The following LAMB2 variants were observed in gnomAD, a reference collection of about 807,000 sequenced individuals.
The protein encoded by LAMB2 is laminin subunit beta-2.
A neutral mutation model predicts 202.7 loss-of-function variants in LAMB2; 119 were observed. That is an observed-to-expected ratio of 0.59 (90% CI 0.51 to 0.68). LAMB2 has a LOEUF of 0.68. LAMB2 is among the 30% of genes least tolerant of loss of function. LAMB2 has a pLI of 0.00. For synonymous variants in LAMB2, 818 were observed against 902.2 expected (o/e 0.91, Z 1.67); for missense variants, 2,124 against 2,410.6 (o/e 0.88, Z 2.49).
At position 49,124,905 on chromosome 3, in the gene LAMB2, C is replaced by G; in HGVS notation, c.2905G>C (p.Ala969Pro). 6.2e-7 allele frequency: 1 copy of G among 1,614,086 alleles called. No individual in the cohort carries two copies. The highest frequency in any genetic ancestry group is 8.5e-7 in the Non-Finnish European group (1 of 1,180,038). The change falls in exon 21 of 32, where the codon GCC becomes CCC. Residue 969 changes from alanine (A) to proline (P), a missense_variant. Ala to Pro is a conservative substitution (Grantham distance 27). Coordinates refer to ENST00000305544, the MANE Select transcript of LAMB2 (RefSeq NM_002292.4). ...GYTGLRCEAC[A>P]PGHFGDPSRP... Reference sequence around the variant, plus strand: ...GATGGGTCCCCAAAGTGCCCAGGGGCACAAGCTTCACATCGCAGCCCTGCC... The same window carrying G: ...GATGGGTCCCCAAAGTGCCCAGGGGGACAAGCTTCACATCGCAGCCCTGCC...
intron 21 of LAMB2, 31 bp downstream of exon 21, chr3:49,124,670 T>C: frequency 1.2e-6 from 2 of 1,613,794 alleles, no homozygotes; most frequent in Non-Finnish European, 8.5e-7. Context: ...AGAACCCCAA[T>C]TCAGCCATGC....
In LAMB2 at chr3:49,121,870, G is replaced by C. The variant is rs754993760; in HGVS notation, c.4924-10C>G. The stretch of plus-strand genomic sequence containing the variant: ...CCATCCTCTCCTGTACCTGCCATGG[G>C]TGAGCCAAAGGTTACACAGATCTAC... On this transcript the variant is annotated splice_polypyrimidine_tract_variant and intron_variant, in intron 29 of 31. Coordinates refer to ENST00000305544, the MANE Select transcript of LAMB2 (RefSeq NM_002292.4). 1 of 1,613,278 alleles carries C rather than the reference G, an allele frequency of 6.2e-7. No homozygotes were observed. The highest frequency in any genetic ancestry group is 8.5e-7 in the Non-Finnish European group (1 of 1,180,028).
Position 49,131,181 on chromosome 3 carries a change from C to G in LAMB2, c.713-29G>C. ...AGGCGGGGGAAGGGGGGCCAACTGA[C>G]CAGGCAGGCCCTTGCTGCCCCATGT... On this transcript the variant is annotated intron_variant, in intron 6 of 31. Coordinates refer to ENST00000305544, the MANE Select transcript of LAMB2 (RefSeq NM_002292.4). The surrounding 1 kb of genome is among the most constrained non-coding windows in gnomAD (Gnocchi z 5.0). 6.2e-7 allele frequency: 1 copy of G among 1,604,436 alleles called. No individual in the cohort carries two copies.
chr3:49,125,893 G>C lies in LAMB2; in HGVS notation c.2345-3C>G, dbSNP rs1421561153. ...ACCTTGAGGGTTGCACTGACATGCTGTGGGGAGGAGGGTTGGGCCAAGTCA... is the reference window on the plus strand; with the variant it reads ...ACCTTGAGGGTTGCACTGACATGCTCTGGGGAGGAGGGTTGGGCCAAGTCA... On this transcript the variant is annotated splice_polypyrimidine_tract_variant and splice_region_variant and intron_variant, in intron 17 of 31. Transcript: ENST00000305544. 1 of 1,614,178 alleles carries C rather than the reference G, an allele frequency of 6.2e-7. No homozygotes were observed. Among genetic ancestry groups the C allele is most frequent in the Admixed American group, 1.7e-5 (1 of 60,032 alleles).
chr3:49,129,265 C>A lies in LAMB2; in HGVS notation c.1578G>T (p.Val526=). The change falls in exon 12 of 32, where the codon GTG becomes GTT. Residue 526 remains valine (V), a synonymous_variant. Transcript: ENST00000305544. The surrounding 1 kb of genome is among the most constrained non-coding windows in gnomAD (Gnocchi z 6.1). ...LLGCRPCDCD[V]GGALDPQCDE... Reference sequence around the variant, plus strand: ...CTTACTGGGGATCCAAAGCACCACCCACGTCGCAGTCACAGGGGCGGCAGC... The same window carrying A: ...CTTACTGGGGATCCAAAGCACCACCAACGTCGCAGTCACAGGGGCGGCAGC... 6.2e-7 allele frequency: 1 copy of A among 1,613,950 alleles called. No homozygotes were observed. Among genetic ancestry groups the A allele is most frequent in the Non-Finnish European group, 8.5e-7 (1 of 1,179,924 alleles).
In LAMB2 at chr3:49,125,369, C is replaced by A. The variant is rs1418530757; in HGVS notation, c.2604G>T (p.Gln868His). ...ATGGCCGGCAGCTAGGGAATCCCCA[C>A]TGGCCACGCTGGCAGCGGTCACAGC... ...GLRCDRCQRG[Q>H]WGFPSCRPCV... The change falls in exon 19 of 32, where the codon CAG becomes CAT. Residue 868 changes from glutamine (Q) to histidine (H), a missense_variant. Gln to His is a conservative substitution (Grantham distance 24). Around this residue, in one of 3 missense-constraint regions of LAMB2, gnomAD observed 1,702 missense variants for 1,896.3 expected, o/e 0.90. Transcript: ENST00000305544. The A allele has an allele frequency of 6.2e-7, 1 of 1,614,088 alleles. No homozygotes were observed. The highest frequency in any genetic ancestry group is 1.7e-5 in the Admixed American group (1 of 60,024).
chr3:49,123,202 G>C lies in LAMB2; in HGVS notation c.4154C>G (p.Ala1385Gly), dbSNP rs1250558526. The change falls in exon 26 of 32, where the codon GCC becomes GGC. Residue 1385 changes from alanine (A) to glycine (G), a missense_variant. Coordinates refer to ENST00000305544, the MANE Select transcript of LAMB2 (RefSeq NM_002292.4). Reference protein sequence around the residue: ...QKEDFNSKHMANQRALGKLSA... With the variant: ...QKEDFNSKHMGNQRALGKLSA... ...GAGCTTGCCAAGTGCCCGCTGGTTG[G>C]CCATGTGTTTGCTGTTGAAGTCCTC... is the stretch of plus-strand genomic sequence containing the variant. 4 of 1,613,808 alleles carry C rather than the reference G, an allele frequency of 2.5e-6. No individual in the cohort carries two copies. The highest frequency in any genetic ancestry group is 2.5e-6 in the Non-Finnish European group (3 of 1,180,046).
chr3:49,131,322 C>G lies in LAMB2; in HGVS notation c.712+57G>C. On this transcript the variant is annotated intron_variant, in intron 6 of 31. Transcript: ENST00000305544. This position sits in a 1 kb window ranked among gnomAD's most constrained non-coding sequence, Gnocchi z 5.0. The stretch of plus-strand genomic sequence containing the variant: ...AGCACCCAAAATAGTTACTGAGGCC[C>G]CAAATAGTCCCTAGCCGGACACGGA... 6.3e-7 allele frequency: 1 copy of G among 1,587,618 alleles called. No individual in the cohort carries two copies. Among genetic ancestry groups the G allele is most frequent in the Non-Finnish European group, 8.6e-7 (1 of 1,157,826 alleles).
At position 49,129,238 on chromosome 3, in the gene LAMB2, C is replaced by T. The variant is rs1259515514; in HGVS notation, c.1598+7G>A. On this transcript the variant is annotated splice_region_variant and intron_variant, in intron 12 of 31. Transcript: ENST00000305544. The surrounding 1 kb of genome is among the most constrained non-coding windows in gnomAD (Gnocchi z 6.1). Reference sequence around the variant, plus strand: ...ATCCCTTCCCAGGCCCCCTTTACAACACTTACTGGGGATCCAAAGCACCAC... The same window carrying T: ...ATCCCTTCCCAGGCCCCCTTTACAATACTTACTGGGGATCCAAAGCACCAC... The T allele has an allele frequency of 9.3e-6, 15 of 1,614,144 alleles. No homozygotes were observed. The highest frequency in any genetic ancestry group is 1.3e-5 in the Non-Finnish European group (15 of 1,180,024).
chr3:49,122,187 A>G lies in LAMB2; in HGVS notation c.4757T>C (p.Leu1586Pro). 1.9e-6 allele frequency: 3 copies of G among 1,613,554 alleles called. No homozygotes were observed. Among genetic ancestry groups the G allele is most frequent in the Non-Finnish European group, 2.5e-6 (3 of 1,180,046 alleles). ...TVGDVRRAEQ[L>P]LQDARRARSW... ...CCTTGCCCGCCGTGCATCCTGCAGT[A>G]GCTGCTCGGCACGACGCACATCTCC... Residue 1586 changes from leucine (L) to proline (P), a missense_variant, in exon 28 of 32, where the codon CTA (leucine) becomes CCA (proline). This residue lies in a region of LAMB2 where 1,702 missense variants were observed against 1,896.3 expected (regional missense o/e 0.90). Transcript: ENST00000305544.
In LAMB2 at chr3:49,129,838, C is replaced by T. The variant is rs780041521; in HGVS notation, c.1405+1G>A. The T allele has an allele frequency of 1.1e-5, 17 of 1,613,792 alleles. No individual in the cohort carries two copies. Among genetic ancestry groups the T allele is most frequent in the Admixed American group, 1.7e-5 (1 of 60,028 alleles). Reference sequence around the variant, plus strand: ...TAGAAGTTAGGGCAGGAGACACATACGCCGGCAGCCCAGACGGTCACTGAT... The same window carrying T: ...TAGAAGTTAGGGCAGGAGACACATATGCCGGCAGCCCAGACGGTCACTGAT... On this transcript the variant is annotated splice_donor_variant, in intron 10 of 31. Transcript: ENST00000305544. LOFTEE classifies it high-confidence loss of function. The surrounding 1 kb of genome is among the most constrained non-coding windows in gnomAD (Gnocchi z 6.1).
At chr3:49,126,590 A>G in intron 15 of LAMB2, 93 bp from the exon 16 acceptor site, 1 of 1,551,908 alleles carries the variant, frequency 6.4e-7, no homozygotes, top group Admixed American at 1.7e-5. Context: ...CAACCAGGCC[A>G]TTGGCCAAAG....
At position 49,123,814 on chromosome 3, in the gene LAMB2, C is replaced by G; in HGVS notation, c.3711G>C (p.Lys1237Asn). 1 of 1,613,340 alleles carries G rather than the reference C, an allele frequency of 6.2e-7. No individual in the cohort carries two copies. Among genetic ancestry groups the G allele is most frequent in the Non-Finnish European group, 8.5e-7 (1 of 1,179,974 alleles). Residue 1237 changes from lysine to asparagine, a missense_variant, in exon 24 of 32, where the codon AAG (lysine) becomes AAC (asparagine). Physicochemically the swap from Lys to Asn is moderately conservative, Grantham distance 94. Coordinates refer to ENST00000305544, the MANE Select transcript of LAMB2 (RefSeq NM_002292.4). ...CTACGATGCCCTGCACAATGCCCAG[C>G]TTCTCCTGCATGTGCCAGAAGCTGC... ...FESSFWHMQE[K>N]LGIVQGIVGA...
Position 49,121,723 on chromosome 3 carries a change from C to T in LAMB2, c.5061G>A (p.Thr1687=), listed in dbSNP as rs150465100. 4.6e-4 allele frequency: 736 copies of T among 1,613,968 alleles called. No individual in the cohort carries two copies. The highest frequency in any genetic ancestry group is 6.6e-4 in the Middle Eastern group (4 of 6,062). ...GGGCACGACCCTGGGCACTGCCTGC[C>T]GTTTCTTCTGCTGTAGAGGCTGCCA... ...NSLAASTAEE[T]AGSAQGRAQE... Residue 1687 remains threonine (T), a synonymous_variant, in exon 30 of 32, where the codon ACG becomes ACA. Coordinates refer to ENST00000305544, the MANE Select transcript of LAMB2 (RefSeq NM_002292.4).
Position 49,130,105 on chromosome 3 carries a change from T to C in LAMB2, c.1226-87A>G. ...CTCCTAAGCCTAAGGGATCCCACCC[T>C]GGATCCCTGGTCAAGTTCTATCCCA... On this transcript the variant is annotated intron_variant, in intron 9 of 31. Coordinates refer to ENST00000305544, the MANE Select transcript of LAMB2 (RefSeq NM_002292.4). This position sits in a 1 kb window ranked among gnomAD's most constrained non-coding sequence, Gnocchi z 5.0. 3.2e-6 allele frequency: 5 copies of C among 1,558,926 alleles called. No homozygotes were observed. Among genetic ancestry groups the C allele is most frequent in the Non-Finnish European group, 3.5e-6 (4 of 1,130,786 alleles).
In LAMB2 at chr3:49,125,465, C is replaced by A; in HGVS notation, c.2508G>T (p.Glu836Asp). The change falls in exon 19 of 32, where the codon GAG becomes GAT. Residue 836 changes from glutamate (E) to aspartate (D), a missense_variant. By Grantham distance (45) the Glu-to-Asp change is conservative. Coordinates refer to ENST00000305544, the MANE Select transcript of LAMB2 (RefSeq NM_002292.4). Reference protein sequence around the residue: ...TGCQACQCSHEGALSSLCEKT... With the variant: ...TGCQACQCSHDGALSSLCEKT... ...TTTCACAGAGACTGCTGAGTGCCCCCTCGTGGCTGCACTGGCAGGCTAGGA... is the reference window on the plus strand; with the variant it reads ...TTTCACAGAGACTGCTGAGTGCCCCATCGTGGCTGCACTGGCAGGCTAGGA... 1 of 1,604,658 alleles carries A rather than the reference C, an allele frequency of 6.2e-7. No individual in the cohort carries two copies. Among genetic ancestry groups the A allele is most frequent in the Non-Finnish European group, 8.5e-7 (1 of 1,175,824 alleles).
At position 49,121,145 on chromosome 3, in the gene LAMB2, G is replaced by C. The variant is rs931939485; in HGVS notation, c.*81C>G. 10 of 1,555,068 alleles carry C rather than the reference G, an allele frequency of 6.4e-6. No individual in the cohort carries two copies. In the African/African-American group the frequency reaches 1.1e-4, roughly 17 times the overall value. ...TTCACACTGGTTTATTGGGGGCCCT[G>C]CCGGGCCAAGAGCTCTTCAGTGCAT... On this transcript the variant is annotated 3_prime_UTR_variant, in exon 32 of 32. Coordinates refer to ENST00000305544, the MANE Select transcript of LAMB2 (RefSeq NM_002292.4).
intron 27 of LAMB2, 145 bp downstream of exon 27, chr3:49,122,559 G>A: frequency 5.4e-6 from 5 of 925,280 alleles, no homozygotes; most frequent in Non-Finnish European, 7.1e-6. Flanking sequence ...GACCACATAT[G>A]GGCAATAACT....
In LAMB2 at chr3:49,130,518, G is replaced by A. The variant is rs1030504536; in HGVS notation, c.1037-99C>T. ...AGATCCCTATCACAGGCCAGAATTT[G>A]TGGGTAGGGGCTCAGGGACTTCAAG... On this transcript the variant is annotated intron_variant, in intron 8 of 31. Coordinates refer to ENST00000305544, the MANE Select transcript of LAMB2 (RefSeq NM_002292.4). This position sits in a 1 kb window ranked among gnomAD's most constrained non-coding sequence, Gnocchi z 5.0. 83 of 1,462,864 alleles carry A rather than the reference G, an allele frequency of 5.7e-5. No homozygotes were observed. Among genetic ancestry groups the A allele is most frequent in the Non-Finnish European group, 7.6e-5 (80 of 1,047,910 alleles). 90.6% of individuals were successfully genotyped at this position (1,462,864 alleles called of 1,614,324 possible). A position where few individuals can be genotyped will look rare whatever the true frequency, so the allele number is the denominator to read the frequency against.
Sources: allele counts gnomAD v4.1 joint callset, GRCh38; gene constraint gnomAD v4.1.1; regional missense constraint gnomAD v4.1.1; non-coding constraint Gnocchi (gnomAD v3.1); transcripts MANE v1.5; gene names NCBI Gene and HGNC (gene_info 2026-07-23, HGNC 2026-07-21).